ANK1: variants seen among roughly 807,000 people sequenced by gnomAD.
ANK1 encodes the protein ankyrin 1.
ANK1 carries 51 observed loss-of-function variants against 210.4 expected under a neutral mutation model. The observed-to-expected ratio is 0.24, with a 90% confidence interval of 0.19 to 0.31. The LOEUF (loss-of-function observed/expected upper bound fraction) is 0.31. Among genes scored for constraint, ANK1 ranks in the 10% least tolerant of loss-of-function variants. The probability of loss-of-function intolerance (pLI) is 1.00; values close to 1 mark genes in which losing one functional copy is unlikely to be tolerated. For synonymous variants in ANK1, 967 were observed against 1,025.9 expected (o/e 0.94, Z 1.10); for missense variants, 2,051 against 2,504.4 (o/e 0.82, Z 3.86).
intron 2 of ANK1, among the ~76,000 whole-genome samples, chr8:41,736,880 A>G (rs1180450218): frequency 1.3e-5 from 2 of 152,204 alleles, no homozygotes; most frequent in African/African-American, 4.8e-5. Flanking sequence ...CAGCTGAGGA[A>G]GTCAAGGCCC....
intron 1 of ANK1, among the ~76,000 whole-genome samples, chr8:41,888,293 C>G (rs1439762610): frequency 6.6e-6 from 1 of 152,182 alleles, no homozygotes; most frequent in Non-Finnish European, 1.5e-5. Flanking sequence ...AAGAAGGGGC[C>G]CCTGTTGGCA....
rs1419580883 is a variant in ANK1 at position 41,797,605 on chromosome 8, G to A, written c.-67C>T. The A allele has an allele frequency of 3.1e-6, 5 of 1,605,136 alleles. No individual in the cohort carries two copies. Among genetic ancestry groups the A allele is most frequent in the Admixed American group, 1.7e-5 (1 of 59,186 alleles). ...TTGAGGAGGAGCAGCTGGGGCTGGC[G>A]GACTCACCGCAGCCTCTGCGGGGCC... On this transcript the variant is annotated 5_prime_UTR_variant, in exon 1 of 43. Transcript: ENST00000289734. This position sits in a 1 kb window ranked among gnomAD's most constrained non-coding sequence, Gnocchi z 4.0.
chr8:41,863,648 G>A (rs938743112), intron 1 of ANK1, among the ~76,000 whole-genome samples: 1 of 152,190 alleles, frequency 6.6e-6, no homozygotes, highest in Non-Finnish European at 1.5e-5. Context: ...GCCTAAGCTG[G>A]TTGGTGGATA....
chr8:41,679,151 G>A (rs1411523199), intron 37 of ANK1, among the ~76,000 whole-genome samples: 2 of 152,116 alleles, frequency 1.3e-5, no homozygotes, highest in South Asian at 2.1e-4. Flanking sequence ...ATTTTTCTCC[G>A]CATTATGGAT....
At chr8:41,792,090 C>G (rs759832993) in intron 1 of ANK1, among the ~76,000 whole-genome samples, 1 of 152,252 alleles carries the variant, frequency 6.6e-6, no homozygotes, top group Non-Finnish European at 1.5e-5. Flanking sequence ...TCCTGTAATG[C>G]GCTTTTCTTC....
At chr8:41,832,623 C>A (rs1423024181) in intron 1 of ANK1, among the ~76,000 whole-genome samples, 1 of 152,176 alleles carries the variant, frequency 6.6e-6, no homozygotes, top group Non-Finnish European at 1.5e-5. Context: ...CTGGGGAGGA[C>A]CCCCTCTTCT....
At chr8:41,840,371 A>AT (rs1232258774) in intron 1 of ANK1, 7 of 152,212 alleles carry the variant, frequency 4.6e-5, no homozygotes, top group Non-Finnish European at 1.0e-4. Context: ...TGTTATAAAA[A>AT]ATATATACTC....
At chr8:41,879,953 G>A (rs968439386) in intron 1 of ANK1, among the ~76,000 whole-genome samples, 1 of 152,120 alleles carries the variant, frequency 6.6e-6, no homozygotes, top group Non-Finnish European at 1.5e-5. Context: ...CCAACGAGTC[G>A]TGGGAATGCA....
intron 36 of ANK1, 108 bp from the exon 37 acceptor site, chr8:41,684,798 T>G: frequency 7.0e-7 from 1 of 1,438,566 alleles, no homozygotes; most frequent in Non-Finnish European, 9.6e-7. Flanking sequence ...ATAATTTTTT[T>G]CAGAAGGTGG....
chr8:41,760,372 T>C (rs1218032658), intron 1 of ANK1, among the ~76,000 whole-genome samples: 2 of 152,204 alleles, frequency 1.3e-5, no homozygotes, highest in Non-Finnish European at 2.9e-5. Context: ...CCCCTGCACA[T>C]ACTCTCTTGC....
intron 1 of ANK1, among the ~76,000 whole-genome samples, chr8:41,890,485 G>A (rs930586049): frequency 6.6e-6 from 1 of 152,216 alleles, no homozygotes; most frequent in Non-Finnish European, 1.5e-5. Flanking sequence ...GAGGCAGGCG[G>A]ATCACTTGAG....
intron 12 of ANK1, 129 bp downstream of exon 12, chr8:41,717,475 A>C: frequency 1.1e-6 from 1 of 880,250 alleles, no homozygotes; most frequent in Non-Finnish European, 1.8e-6. Context: ...GTCCTCCCCC[A>C]GTCTGAAGCA....
At chr8:41,859,211 C>T (rs1423668769) in intron 1 of ANK1, among the ~76,000 whole-genome samples, 2 of 152,198 alleles carry the variant, frequency 1.3e-5, no homozygotes, top group African/African-American at 4.8e-5. Flanking sequence ...AGAGAAAGCC[C>T]CCTGGGCGGC....
chr8:41,876,182 G>T (rs1385297491), intron 1 of ANK1, among the ~76,000 whole-genome samples: 2 of 152,112 alleles, frequency 1.3e-5, no homozygotes, highest in Admixed American at 6.5e-5. Context: ...CTCCCCAGGC[G>T]GGCGCGGGGA....
In ANK1 at chr8:41,742,026, G is replaced by A. The variant is rs150997487; in HGVS notation, c.130-7957C>T. The stretch of plus-strand genomic sequence containing the variant: ...AACTGACAGGATTGTTCTGAAAAGC[G>A]ATCTGTGTGATGGGCGGGGAAGGAG... On this transcript the variant is annotated intron_variant, in intron 2 of 42. Coordinates refer to ENST00000289734, the MANE Select transcript of ANK1 (RefSeq NM_000037.4). Among the ~76,000 whole-genome samples the A allele has an allele frequency of 1.7e-3, 259 of 152,350 alleles. 1 individual carries two copies. The highest frequency in any genetic ancestry group is 5.6e-3 in the African/African-American group (231 of 41,592).
chr8:41,786,028 A>G (rs1846299080), intron 1 of ANK1, among the ~76,000 whole-genome samples: 1 of 152,168 alleles, frequency 6.6e-6, no homozygotes, highest in African/African-American at 2.4e-5. Flanking sequence ...CTCCCTGCAG[A>G]TCGTCCCTTG....
rs73675141 is a variant in ANK1, at chr8:41,819,444, A to T, written c.127-61307T>A. ...TTGAAGAGTTCATTCCCACAGACAG[A>T]CGAAGAAAGCTAAGACCTTCATTGC... On this transcript the variant is annotated intron_variant, in intron 1 of 42. Transcript: ENST00000265709. 7.1e-3 allele frequency among the ~76,000 whole-genome samples: 1,087 copies of T among 152,318 alleles called. 19 individuals carry two copies. The highest frequency in any genetic ancestry group is 0.025 in the African/African-American group (1,045 of 41,558).
rs1387167881 is a variant in ANK1 at position 41,667,208 on chromosome 8, C to T, written c.5394+1059G>A. 3.3e-5 allele frequency among the ~76,000 whole-genome samples: 5 copies of T among 152,210 alleles called. No individual in the cohort carries two copies. The South Asian group carries it at 6.2e-4, about 19-fold the overall frequency. On this transcript the variant is annotated intron_variant, in intron 39 of 42. Transcript: ENST00000289734. ...TGGCAGGGGAGCATTCTAAATAAAA[C>T]CTGACTGAATTCCTAGCAGTTCTAT...
At chr8:41,824,514 T>G (rs879831337) in intron 1 of ANK1, among the ~76,000 whole-genome samples, 3 of 152,184 alleles carry the variant, frequency 2.0e-5, no homozygotes, top group Non-Finnish European at 2.9e-5. Context: ...ACCACTCCTA[T>G]GGAAACAGAA....
Sources: gnomAD v4.1 joint callset for allele counts (sites outside exome capture counted in the v4.1 genomes callset) on GRCh38, gnomAD v4.1.1 for gene constraint, Gnocchi (gnomAD v3.1) non-coding constraint, MANE v1.5 for transcripts, NCBI Gene and HGNC (gene_info 2026-07-23, HGNC 2026-07-21) for gene names.